SOX5: variants seen among roughly 807,000 people sequenced by gnomAD.
SOX5 encodes SRY-box transcription factor 5.
A neutral mutation model predicts 92.0 loss-of-function variants in SOX5; 9 were observed. That is an observed-to-expected ratio of 0.10 (90% CI 0.06 to 0.17). SOX5 has a LOEUF of 0.17. Ranked by LOEUF, SOX5 falls within the 10% of genes least tolerant of loss-of-function variation. The pLI is 1.00. For missense variants in SOX5, 642 were observed against 944.5 expected (o/e 0.68, Z 4.20); for synonymous variants, 344 against 336.3 (o/e 1.02, Z -0.25).
intron 6 of SOX5, among the ~76,000 whole-genome samples, chr12:23,692,330 G>A (rs1384146575): frequency 3.3e-5 from 5 of 151,834 alleles, no homozygotes; most frequent in African/African-American, 4.8e-5. Flanking sequence ...CCAGCTACTC[G>A]GGAGGCTGAG....
Position 23,914,097 on chromosome 12 carries a change from A to T in SOX5, c.39-18073T>A, listed in dbSNP as rs548385095. ...CCAAAATAATAATTATTAGCTGTTA[A>T]TATCTGTTTCCTCTATCTCCAGAGC... On this transcript the variant is annotated intron_variant, in intron 1 of 14. Coordinates refer to ENST00000451604, the MANE Select transcript of SOX5 (RefSeq NM_006940.6). Among the ~76,000 whole-genome samples, 228 of 152,298 alleles carry T rather than the reference A, an allele frequency of 1.5e-3. 1 individual carries two copies. Among genetic ancestry groups the T allele is most frequent in the African/African-American group, 5.1e-3 (210 of 41,572 alleles).
chr12:23,715,784 T>C (rs2092443749), intron 6 of SOX5, among the ~76,000 whole-genome samples: 2 of 139,672 alleles, frequency 1.4e-5, no homozygotes, highest in South Asian at 2.2e-4. Flanking sequence ...ATAAATGATG[T>C]TCTAAGGAAA....
intron 3 of SOX5, among the ~76,000 whole-genome samples, chr12:24,243,435 C>G (rs1937896070): frequency 6.6e-6 from 1 of 151,988 alleles, no homozygotes; most frequent in Non-Finnish European, 1.5e-5. Flanking sequence ...TAACTGCAAC[C>G]AAGTCATTAA....
intron 4 of SOX5, among the ~76,000 whole-genome samples, chr12:24,178,029 A>G (rs1212895623): frequency 6.6e-6 from 1 of 152,212 alleles, no homozygotes; most frequent in Non-Finnish European, 1.5e-5. Context: ...TCTCCAGGGC[A>G]GTCCAGGACA....
At chr12:24,420,978 T>C (rs2136929573) in intron 1 of SOX5, among the ~76,000 whole-genome samples, 1 of 151,866 alleles carries the variant, frequency 6.6e-6, no homozygotes, top group Non-Finnish European at 1.5e-5. Context: ...CAACTTGGAT[T>C]CTTTAGCAGA....
chr12:24,391,086 G>A (rs1566052470), intron 1 of SOX5, among the ~76,000 whole-genome samples: 1 of 152,076 alleles, frequency 6.6e-6, no homozygotes, highest in South Asian at 2.1e-4. Flanking sequence ...ACCAACATCT[G>A]TTGTTTTCTG....
chr12:24,008,139 T>G (rs1569477058), intron 4 of SOX5, among the ~76,000 whole-genome samples: 3 of 152,120 alleles, frequency 2.0e-5, no homozygotes, highest in African/African-American at 7.2e-5. Flanking sequence ...TAGGGACAGT[T>G]TGATCCAAAA....
At chr12:24,200,784 G>T (rs1389762252) in intron 4 of SOX5, among the ~76,000 whole-genome samples, 1 of 152,142 alleles carries the variant, frequency 6.6e-6, no homozygotes. Flanking sequence ...TTATTTAAAA[G>T]ACATTTTCCT....
intron 3 of SOX5, among the ~76,000 whole-genome samples, chr12:24,259,504 G>C (rs1358673207): frequency 6.6e-6 from 1 of 152,070 alleles, no homozygotes; most frequent in Non-Finnish European, 1.5e-5. Context: ...CTAAGTAAAA[G>C]GCATTTTCAA....
chr12:23,759,826 T>C (rs2094515276), intron 3 of SOX5, among the ~76,000 whole-genome samples: 1 of 152,122 alleles, frequency 6.6e-6, no homozygotes, highest in Admixed American at 6.6e-5. Flanking sequence ...TATTTAATTT[T>C]CTAAAATAAG....
At chr12:23,756,810 T>C (rs1350387534) in intron 3 of SOX5, among the ~76,000 whole-genome samples, 1 of 151,914 alleles carries the variant, frequency 6.6e-6, no homozygotes, top group Non-Finnish European at 1.5e-5. Flanking sequence ...ACATGTTAAC[T>C]TATCAAAGGG....
intron 3 of SOX5, among the ~76,000 whole-genome samples, chr12:23,845,150 C>A (rs2096560809): frequency 6.6e-6 from 1 of 152,184 alleles, no homozygotes; most frequent in Non-Finnish European, 1.5e-5. Context: ...GGTATACACG[C>A]AGTGTATTTT....
intron 4 of SOX5, among the ~76,000 whole-genome samples, chr12:23,971,070 TTTGTTA>T (rs1948267146): frequency 6.7e-6 from 1 of 148,530 alleles, no homozygotes; most frequent in Admixed American, 6.7e-5. Flanking sequence ...CATTTGATAC[TTTGTTA>T]TTATTTAGTA....
chr12:24,424,734 A>C (rs1363594409), intron 1 of SOX5, among the ~76,000 whole-genome samples: 1 of 151,354 alleles, frequency 6.6e-6, no homozygotes, highest in Non-Finnish European at 1.5e-5. Flanking sequence ...GGCAACTCTG[A>C]AAGTGTTAGC....
chr12:23,627,882 T>G (rs80331093), intron 8 of SOX5, among the ~76,000 whole-genome samples: 9,684 of 151,954 alleles, frequency 0.064, 560 homozygotes, highest in African/African-American at 0.15. Context: ...AACTGGTTAC[T>G]CACTCTCAGT....
chr12:23,652,761 A>T (rs2081773960), intron 7 of SOX5, among the ~76,000 whole-genome samples: 1 of 151,918 alleles, frequency 6.6e-6, no homozygotes, highest in Non-Finnish European at 1.5e-5. Flanking sequence ...CTAGGTCTAC[A>T]TGTCTTTCTA....
At chr12:24,392,829 A>G (rs1350879265) in intron 1 of SOX5, among the ~76,000 whole-genome samples, 1 of 152,158 alleles carries the variant, frequency 6.6e-6, no homozygotes, top group Non-Finnish European at 1.5e-5. Context: ...AACACATCTA[A>G]GACTATAACT....
intron 1 of SOX5, among the ~76,000 whole-genome samples, chr12:24,399,221 A>G (rs746532098): frequency 2.6e-5 from 4 of 152,170 alleles, no homozygotes; most frequent in Non-Finnish European, 4.4e-5. Flanking sequence ...ACACGTGAGC[A>G]TCTGAGCACA....
chr12:23,921,022 T>C (rs761725068), intron 1 of SOX5, among the ~76,000 whole-genome samples: 21 of 152,218 alleles, frequency 1.4e-4, no homozygotes, highest in Non-Finnish European at 2.5e-4. Context: ...CAGTGTCTGA[T>C]ACATGAAATA....
Sources: allele counts gnomAD v4.1 joint callset (sites outside exome capture counted in the v4.1 genomes callset), GRCh38; gene constraint gnomAD v4.1.1; transcripts MANE v1.5; gene names NCBI Gene and HGNC (gene_info 2026-07-23, HGNC 2026-07-21).